The following COMMD3 variants were observed in gnomAD, a reference collection of about 807,000 sequenced individuals.
The protein encoded by COMMD3 is COMM domain-containing protein 3.
COMMD3 carries 31 observed loss-of-function variants against 31.2 expected under a neutral mutation model. The ratio of observed to expected loss-of-function variants is 0.99; its 90% CI spans 0.75 to 1.34. COMMD3 has a LOEUF of 1.34. Among genes scored for constraint, COMMD3 ranks in the 40% most tolerant of loss-of-function variants. The pLI is 0.00. For synonymous variants in COMMD3, 108 were observed against 87.3 expected, an observed-to-expected ratio of 1.24 and a Z score of -1.32; for missense variants, 274 against 236.9, an observed-to-expected ratio of 1.16 and a Z score of -1.03.
chr10:22,319,010 C>G lies in COMMD3; in HGVS notation c.520C>G (p.Gln174Glu). 6.2e-7 allele frequency: 1 copy of G among 1,611,100 alleles called. No individual in the cohort carries two copies. The highest frequency in any genetic ancestry group is 8.5e-7 in the Non-Finnish European group (1 of 1,179,024). Residue 174 changes from glutamine to glutamate, a missense_variant, in exon 7 of 8, where the codon CAA becomes GAA. Transcript: ENST00000376836. ...PEISFSCSME[Q>E]LQDLVGKLKD... ...GATTAGTTTTAGTTGCAGCATGGAA[C>G]AATTACAGGTACAGTATTAGGATCT...
intron 2 of COMMD3, 21 bp downstream of exon 2, chr10:22,318,016 T>C: frequency 1.2e-6 from 2 of 1,611,806 alleles, no homozygotes; most frequent in Non-Finnish European, 1.7e-6. Context: ...TATTTAAATA[T>C]CCATTTATTT....
chr10:22,318,082 G>C, intron 2 of COMMD3, 23 bp from the exon 3 acceptor site: 1 of 1,603,996 alleles, frequency 6.2e-7, no homozygotes, highest in Non-Finnish European at 8.5e-7. Flanking sequence ...ACAGAACTTT[G>C]GCTTTTTTTT....
chr10:22,317,819 C>T, intron 1 of COMMD3, 65 bp from the exon 2 acceptor site: 1 of 1,556,600 alleles, frequency 6.4e-7, no homozygotes, highest in Non-Finnish European at 8.7e-7. Flanking sequence ...TTAAAATATC[C>T]TTTTTGGAAC....
rs146379795 is a variant in COMMD3, at chr10:22,319,903, A to G, written c.529-36A>G. The G allele has an allele frequency of 3.0e-3, 4,863 of 1,610,550 alleles. 17 individuals carry two copies. Among genetic ancestry groups the G allele is most frequent in the Non-Finnish European group, 3.8e-3 (4,533 of 1,177,966 alleles). Reference sequence around the variant, plus strand: ...GCTTGGATACTTCTTTCCATGTTTTATCCTAAAAACGTGGTATTGTATACA... The same window carrying G: ...GCTTGGATACTTCTTTCCATGTTTTGTCCTAAAAACGTGGTATTGTATACA... On this transcript the variant is annotated intron_variant, in intron 7 of 7. Coordinates refer to ENST00000376836, the MANE Select transcript of COMMD3 (RefSeq NM_012071.4).
At chr10:22,319,431 A>G (rs1438461433) in intron 7 of COMMD3, 1 of 173,626 alleles carries the variant, frequency 5.8e-6, no homozygotes, top group African/African-American at 2.4e-5. Flanking sequence ...GGAAGTATAC[A>G]TAACATTCTA....
chr10:22,317,336 T>C (rs1486566698), intron 1 of COMMD3, among the ~76,000 whole-genome samples: 2 of 152,126 alleles, frequency 1.3e-5, no homozygotes, highest in Admixed American at 1.3e-4. Context: ...TGGAAGTTCT[T>C]AAACGAAAAT....
At chr10:22,317,371 CA>C (rs140516134) in intron 1 of COMMD3, 7 of 147,422 alleles carry the variant, frequency 4.7e-5, no homozygotes, top group South Asian at 2.1e-4. Flanking sequence ...GGGTTAATCT[CA>C]AAAAAAAAAT....
At chr10:22,319,365 T>C (rs1835916273) in intron 7 of COMMD3, 1 of 202,826 alleles carries the variant, frequency 4.9e-6, no homozygotes, top group African/African-American at 2.3e-5. Flanking sequence ...CTTTCAGAAA[T>C]TGAATTAAAC....
At chr10:22,319,260 C>A in intron 7 of COMMD3, 1 of 407,366 alleles carries the variant, frequency 2.5e-6, no homozygotes. Flanking sequence ...TTGAAATAAA[C>A]TTCTGTAGTG....
chr10:22,319,815 C>G (rs1835926998), intron 7 of COMMD3, 124 bp from the exon 8 acceptor site: 4 of 1,207,298 alleles, frequency 3.3e-6, no homozygotes, highest in Non-Finnish European at 3.5e-6. Flanking sequence ...AAGTTAAAAT[C>G]TTGTTGAATT....
intron 1 of COMMD3, chr10:22,317,508 T>A (rs1168334893): frequency 5.8e-6 from 1 of 171,688 alleles, no homozygotes; most frequent in African/African-American, 2.4e-5. Flanking sequence ...ACTCATCATT[T>A]TTAGGATGGA....
intron 7 of COMMD3, chr10:22,319,588 C>T: frequency 5.6e-6 from 1 of 180,018 alleles, no homozygotes; most frequent in Non-Finnish European, 1.2e-5. Context: ...AAGGCATCTT[C>T]TGCAGAGTCG....
At chr10:22,318,219 G>C (rs1483121145) in intron 3 of COMMD3, 51 bp downstream of exon 3, 1 of 1,589,880 alleles carries the variant, frequency 6.3e-7, no homozygotes, top group Non-Finnish European at 8.5e-7. Flanking sequence ...CTTTTACTTT[G>C]TTTGTAAAGA....
intron 1 of COMMD3, 159 bp downstream of exon 1, chr10:22,316,715 G>C: frequency 7.8e-7 from 1 of 1,285,348 alleles, no homozygotes; most frequent in Non-Finnish European, 1.0e-6. Flanking sequence ...GGCTCTGCCA[G>C]GACTCGGAGC....
rs763813079 is a variant in COMMD3, at chr10:22,318,834, C to T, written c.440C>T (p.Pro147Leu). ...KTNQLHRMYR[P>L]AYLVTLSVQN... ...AATCAACTTCATAGGATGTACAGAC[C>T]TGCATATTTGGTGACCTTAAGTGTA... The change falls in exon 6 of 8, where the codon CCT becomes CTT. Residue 147 changes from proline (P) to leucine (L), a missense_variant. Physicochemically the swap from Pro to Leu is moderately conservative, Grantham distance 98. Transcript: ENST00000376836. The T allele has an allele frequency of 7.4e-6, 12 of 1,613,778 alleles. No individual in the cohort carries two copies. In the Admixed American group the frequency reaches 1.8e-4, roughly 25 times the overall value.
At chr10:22,316,656 G>A (rs1280840153) in intron 1 of COMMD3, 100 bp downstream of exon 1, 22 of 1,374,162 alleles carry the variant, frequency 1.6e-5, no homozygotes, top group Non-Finnish European at 2.1e-5. Context: ...CCCGGGAAGA[G>A]GAAGTCTCCG....
chr10:22,319,840 A>G, intron 7 of COMMD3, 99 bp from the exon 8 acceptor site: 1 of 1,419,654 alleles, frequency 7.0e-7, no homozygotes, highest in Non-Finnish European at 9.7e-7. Context: ...ACTTGTTTGG[A>G]AGGTGTGTCC....
intron 1 of COMMD3, 90 bp from the exon 2 acceptor site, chr10:22,317,794 G>C: frequency 7.0e-7 from 1 of 1,420,860 alleles, no homozygotes; most frequent in Non-Finnish European, 9.7e-7. Flanking sequence ...TTGTTAAAGG[G>C]TTTTTAAACC....
At chr10:22,319,737 CAAATAACCGAT>C in intron 7 of COMMD3, 191 bp from the exon 8 acceptor site, 1 of 579,890 alleles carries the variant, frequency 1.7e-6, no homozygotes, top group Non-Finnish European at 3.0e-6. Context: ...AGTGTGAGGG[CAAATAACCGAT>C]TTGAACATGA....
Sources: gnomAD v4.1 joint callset for allele counts (sites outside exome capture counted in the v4.1 genomes callset) on GRCh38, gnomAD v4.1.1 for gene constraint, MANE v1.5 for transcripts, NCBI Gene and HGNC (gene_info 2026-07-23, HGNC 2026-07-21) for gene names.